The following S100A10 variants were observed in gnomAD, a reference collection of about 807,000 sequenced individuals.
S100A10 encodes the protein protein S100-A10.
Under a neutral mutation model 7.1 loss-of-function variants are expected in S100A10, and 3 were observed. The ratio of observed to expected loss-of-function variants is 0.42; its 90% CI spans 0.19 to 1.10. S100A10 has a LOEUF of 1.10. S100A10 is among the 50% of genes least tolerant of loss of function. S100A10 has a pLI of 0.29. For missense variants in S100A10, 101 were observed against 118.1 expected (o/e 0.86, Z 0.67); for synonymous variants, 41 against 39.3 (o/e 1.04, Z -0.16).
chr1:151,990,085 G>A (rs1422090383), intron 1 of S100A10, among the ~76,000 whole-genome samples: 1 of 152,200 alleles, frequency 6.6e-6, no homozygotes, highest in Non-Finnish European at 1.5e-5. Context: ...AATCCCTTGG[G>A]CAGTAGCTGA....
chr1:151,990,253 G>A (rs1655878338), intron 1 of S100A10, among the ~76,000 whole-genome samples: 1 of 152,160 alleles, frequency 6.6e-6, no homozygotes, highest in South Asian at 2.1e-4. Flanking sequence ...CATTCCATAC[G>A]CAAAAGGAAA....
At chr1:151,988,198 T>C (rs551603135) in intron 1 of S100A10, among the ~76,000 whole-genome samples, 1 of 152,216 alleles carries the variant, frequency 6.6e-6, no homozygotes, top group East Asian at 1.9e-4. Flanking sequence ...TCAGTGAATT[T>C]TGGCTTAATT....
At chr1:151,989,509 G>A (rs1205114619) in intron 1 of S100A10, among the ~76,000 whole-genome samples, 1 of 152,198 alleles carries the variant, frequency 6.6e-6, no homozygotes, top group Non-Finnish European at 1.5e-5. Context: ...GTACCCCAAA[G>A]GGCACTGACC....
intron 1 of S100A10, among the ~76,000 whole-genome samples, chr1:151,992,787 T>C (rs1655934236): frequency 6.6e-6 from 1 of 152,228 alleles, no homozygotes; most frequent in Admixed American, 6.5e-5. Context: ...AGGGCTCCCC[T>C]GTGCTGGCCT....
intron 2 of S100A10, 104 bp downstream of exon 2, chr1:151,985,995 T>C: frequency 1.1e-6 from 1 of 900,740 alleles, no homozygotes; most frequent in Non-Finnish European, 1.6e-6. Context: ...TATTCACTAG[T>C]GGTGACCTCC....
chr1:151,983,086 G>T lies in S100A10; in HGVS notation c.*77C>A. On this transcript the variant is annotated 3_prime_UTR_variant, in exon 3 of 3. Transcript: ENST00000368811. ...TCTGCTCATGAAATCCTTCTATGGG[G>T]GAAGCTGTGGGGCAGATTCCTTAAG... 3.0e-6 allele frequency: 3 copies of T among 1,005,474 alleles called. No homozygotes were observed. The highest frequency in any genetic ancestry group is 4.2e-6 in the Non-Finnish European group (3 of 722,646). 62.3% of individuals were successfully genotyped at this position (1,005,474 alleles called of 1,614,324 possible).
At chr1:151,992,298 G>GA (rs1465964967) in intron 1 of S100A10, among the ~76,000 whole-genome samples, 3 of 152,118 alleles carry the variant, frequency 2.0e-5, no homozygotes, top group African/African-American at 7.2e-5. Flanking sequence ...TCCATTCCTG[G>GA]AGACTGAAAC....
chr1:151,983,102 A>C lies in S100A10; in HGVS notation c.*61T>G, dbSNP rs1655728140. Reference sequence around the variant, plus strand: ...TTCTATGGGGGAAGCTGTGGGGCAGATTCCTTAAGCGACCCTTTGGGACAA... The same window carrying C: ...TTCTATGGGGGAAGCTGTGGGGCAGCTTCCTTAAGCGACCCTTTGGGACAA... On this transcript the variant is annotated 3_prime_UTR_variant, in exon 3 of 3. Transcript: ENST00000368811. The C allele has an allele frequency of 1.5e-5, 18 of 1,237,552 alleles. No individual in the cohort carries two copies. The highest frequency in any genetic ancestry group is 1.8e-5 in the Non-Finnish European group (17 of 930,536). The allele number at this position is 1,237,552 out of a possible 1,614,324, so 76.7% of individuals were successfully genotyped here. A position where few individuals can be genotyped will look rare whatever the true frequency, so the allele number is the denominator to read the frequency against.
At chr1:151,989,589 G>A (rs1655863069) in intron 1 of S100A10, among the ~76,000 whole-genome samples, 1 of 152,228 alleles carries the variant, frequency 6.6e-6, no homozygotes, top group South Asian at 2.1e-4. Context: ...ACAAAGGAAA[G>A]GGGGAAATGT....
At chr1:151,989,418 A>G (rs1406754183) in intron 1 of S100A10, among the ~76,000 whole-genome samples, 1 of 152,180 alleles carries the variant, frequency 6.6e-6, no homozygotes, top group Non-Finnish European at 1.5e-5. Context: ...CTTCTGCAAT[A>G]AGGATGCAGA....
At chr1:151,986,370 A>C in intron 1 of S100A10, 119 bp from the exon 2 acceptor site, 1 of 712,860 alleles carries the variant, frequency 1.4e-6, no homozygotes, top group Non-Finnish European at 2.3e-6. Context: ...GTACAACATG[A>C]TGTTTTCAGG....
intron 1 of S100A10, among the ~76,000 whole-genome samples, chr1:151,991,068 T>C (rs1655894493): frequency 6.6e-6 from 1 of 152,224 alleles, no homozygotes; most frequent in Non-Finnish European, 1.5e-5. Context: ...TTTGCTCCTC[T>C]GTGTCTTGTC....
chr1:151,986,661 G>T (rs577667661), intron 1 of S100A10, among the ~76,000 whole-genome samples: 11 of 152,236 alleles, frequency 7.2e-5, no homozygotes, highest in Admixed American at 1.3e-4. Flanking sequence ...CAGTGTTTAA[G>T]ATTCCACATG....
rs774765015 is a variant in S100A10, at chr1:151,986,118, T to G, written c.113A>C (p.Glu38Ala). ...KEDLRVLMEK[E>A]FPGFLENQKD... The stretch of plus-strand genomic sequence containing the variant: ...ACTTACTTCCAAAAATCCAGGGAAC[T>G]CCTTTTCCATGAGTACTCTCAGGTC... Residue 38 changes from glutamate (E) to alanine (A), a missense_variant, in exon 2 of 3, where the codon GAG becomes GCG. By Grantham distance (107) the Glu-to-Ala change is moderately radical. Transcript: ENST00000368811. The G allele has an allele frequency of 1.3e-6, 2 of 1,596,986 alleles. No individual in the cohort carries two copies. The highest frequency in any genetic ancestry group is 1.7e-6 in the Non-Finnish European group (2 of 1,175,260).
intron 2 of S100A10, among the ~76,000 whole-genome samples, chr1:151,983,552 G>A (rs1317968141): frequency 6.6e-6 from 1 of 150,520 alleles, no homozygotes; most frequent in Non-Finnish European, 1.5e-5. Context: ...ACCACCCTAA[G>A]CTCCTCATTT....
intron 1 of S100A10, among the ~76,000 whole-genome samples, chr1:151,990,820 C>G (rs1001942884): frequency 1.3e-5 from 2 of 152,304 alleles, no homozygotes; most frequent in African/African-American, 4.8e-5. Flanking sequence ...CACTAGGTTG[C>G]AGGTTTTTTG....
chr1:151,987,301 A>C (rs1370414024), intron 1 of S100A10, among the ~76,000 whole-genome samples: 1 of 150,916 alleles, frequency 6.6e-6, no homozygotes, highest in Non-Finnish European at 1.5e-5. Flanking sequence ...CGCCCGGCCC[A>C]GTGTTCCTCT....
Position 151,986,133 on chromosome 1 carries a change from A to C in S100A10, c.98T>G (p.Val33Gly). 1 of 1,604,662 alleles carries C rather than the reference A, an allele frequency of 6.2e-7. No homozygotes were observed. Residue 33 changes from valine (V) to glycine (G), a missense_variant, in exon 2 of 3, where the codon GTA (valine) becomes GGA (glycine). By Grantham distance (109) the Val-to-Gly change is moderately radical. Transcript: ENST00000368811. The part of the protein sequence containing the change: ...KGYLTKEDLR[V>G]LMEKEFPGFL... Reference sequence around the variant, plus strand: ...TCCAGGGAACTCCTTTTCCATGAGTACTCTCAGGTCCTCCTTTGTTAAGTA... The same window carrying C: ...TCCAGGGAACTCCTTTTCCATGAGTCCTCTCAGGTCCTCCTTTGTTAAGTA...
intron 1 of S100A10, among the ~76,000 whole-genome samples, chr1:151,986,831 ATCT>A (rs1391040378): frequency 6.6e-6 from 1 of 152,152 alleles, no homozygotes; most frequent in Non-Finnish European, 1.5e-5. Flanking sequence ...CATCCATCTG[ATCT>A]TCTCCAGCTT....
Sources: allele counts gnomAD v4.1 joint callset (sites outside exome capture counted in the v4.1 genomes callset), GRCh38; gene constraint gnomAD v4.1.1; transcripts MANE v1.5; gene names NCBI Gene and HGNC (gene_info 2026-07-23, HGNC 2026-07-21).